Variants in MYO16 observed in about 807,000 individuals in gnomAD.
MYO16 encodes the protein unconventional myosin-XVI.
In MYO16, 94 loss-of-function variants were observed where a neutral mutation model predicts 205.3. The observed-to-expected ratio is 0.46, with a 90% CI of 0.39 to 0.54. MYO16 has a LOEUF of 0.54. MYO16 is among the 20% of genes least tolerant of loss of function. The pLI is 0.00. For synonymous variants in MYO16, 988 were observed against 954.0 expected (o/e 1.04, Z -0.66); for missense variants, 2,315 against 2,387.5 (o/e 0.97, Z 0.63).
At chr13:108,547,936 AGT>A in the MYO16 span, among the ~76,000 whole-genome samples, 1 of 152,194 alleles carries the variant, frequency 6.6e-6, no homozygotes, top group Non-Finnish European at 1.5e-5. Context: ...TCCAAAAGAC[AGT>A]GTGGTTTGTT....
chr13:108,610,735 C>T (rs546794900), intron 1 of MYO16, among the ~76,000 whole-genome samples: 4 of 152,072 alleles, frequency 2.6e-5, no homozygotes, highest in Non-Finnish European at 4.4e-5. Context: ...AGCAAATGGC[C>T]AAGAGCTATC....
rs149726 is a variant in MYO16 at position 108,739,542 on chromosome 13, C to T, written c.507+11959C>T. Among the ~76,000 whole-genome samples the T allele has an allele frequency of 8.9e-3, 1,349 of 152,226 alleles. 12 individuals are homozygous for T. The highest frequency in any genetic ancestry group is 0.03 in the African/African-American group (1,260 of 41,528). Reference sequence around the variant, plus strand: ...GATAGGCTTCCCTTTGTGAGTAACCCGACCTTTCTCTCTGGCTGCCCTTAA... The same window carrying T: ...GATAGGCTTCCCTTTGTGAGTAACCTGACCTTTCTCTCTGGCTGCCCTTAA... On this transcript the variant is annotated intron_variant, in intron 4 of 34. Transcript: ENST00000457511.
At chr13:108,976,813 T>A (rs1415519459) in intron 20 of MYO16, among the ~76,000 whole-genome samples, 1 of 152,116 alleles carries the variant, frequency 6.6e-6, no homozygotes, top group Non-Finnish European at 1.5e-5. Flanking sequence ...TTGGGAAAAA[T>A]TCAGTAGTCA....
chr13:108,728,124 A>G (rs2139585417), intron 4 of MYO16, among the ~76,000 whole-genome samples: 1 of 152,344 alleles, frequency 6.6e-6, no homozygotes, highest in East Asian at 1.9e-4. Flanking sequence ...AGTGATCTCT[A>G]GAAAGTATTT....
intron 28 of MYO16, among the ~76,000 whole-genome samples, chr13:109,106,074 G>A (rs1367307076): frequency 6.6e-6 from 1 of 152,180 alleles, no homozygotes; most frequent in African/African-American, 2.4e-5. Context: ...TTTGCAAAAA[G>A]GAATGGAAGT....
chr13:109,018,191 C>T (rs1410971461), intron 22 of MYO16, among the ~76,000 whole-genome samples: 1 of 152,192 alleles, frequency 6.6e-6, no homozygotes, highest in Non-Finnish European at 1.5e-5. Flanking sequence ...CAGTTACTCT[C>T]TGTTTGTTAG....
chr13:108,684,158 G>A (rs530445017), intron 2 of MYO16, among the ~76,000 whole-genome samples: 108 of 152,342 alleles, frequency 7.1e-4, no homozygotes, highest in African/African-American at 2.5e-3. Flanking sequence ...ACAGGCGTGA[G>A]CCACCGCGCC....
chr13:108,598,246 C>T (rs972157031), intron 1 of MYO16, among the ~76,000 whole-genome samples: 6 of 152,122 alleles, frequency 3.9e-5, no homozygotes, highest in East Asian at 1.9e-4. Context: ...GCCTTCAAGT[C>T]GCTGACACTC....
At chr13:109,200,119 C>T (rs1343916765) in intron 34 of MYO16, among the ~76,000 whole-genome samples, 1 of 152,266 alleles carries the variant, frequency 6.6e-6, no homozygotes, top group East Asian at 1.9e-4. Flanking sequence ...TCTTCTATTT[C>T]TTGGCTCACA....
chr13:108,606,177 T>G (rs759576597), intron 1 of MYO16, among the ~76,000 whole-genome samples: 1 of 152,168 alleles, frequency 6.6e-6, no homozygotes, highest in Non-Finnish European at 1.5e-5. Flanking sequence ...CCTAATGTTG[T>G]GATAGAAAAG....
chr13:108,971,906 A>G (rs1452884067), intron 20 of MYO16, among the ~76,000 whole-genome samples: 1 of 151,790 alleles, frequency 6.6e-6, no homozygotes. Flanking sequence ...GGCTGTAATG[A>G]TAATAGTGAT....
chr13:109,054,900 C>T, intron 25 of MYO16, 146 bp from the exon 26 acceptor site: 32 of 508,372 alleles, frequency 6.3e-5, no homozygotes, highest in South Asian at 2.7e-4. Context: ...TCCTTTCTTC[C>T]TCCTTCTTTT....
At chr13:108,781,034 C>T (rs1383087116) in intron 4 of MYO16, among the ~76,000 whole-genome samples, 2 of 152,204 alleles carry the variant, frequency 1.3e-5, no homozygotes, top group Non-Finnish European at 1.5e-5. Flanking sequence ...TCTAAGTGTA[C>T]ATCTCTTTCA....
chr13:108,559,529 AG>A, the MYO16 span, among the ~76,000 whole-genome samples: 4 of 126,554 alleles, frequency 3.2e-5, no homozygotes, highest in African/African-American at 1.2e-4. Context: ...GCTGGAGTGC[AG>A]TGGCGTGATC....
At position 108,702,142 on chromosome 13, in the gene MYO16, T is replaced by C. The variant is rs1055270448; in HGVS notation, c.293-10519T>C. Among the ~76,000 whole-genome samples, 7 of 152,114 alleles carry C rather than the reference T, an allele frequency of 4.6e-5. No individual in the cohort carries two copies. In the South Asian group the frequency reaches 1.0e-3, roughly 23 times the overall value. On this transcript the variant is annotated intron_variant, in intron 2 of 34. Coordinates refer to ENST00000457511, the MANE Select transcript of MYO16 (RefSeq NM_001198950.3). The stretch of plus-strand genomic sequence containing the variant: ...GACAAGGCAGAAAGAATATTGGAGG[T>C]ACTAATTGGTGAAAACTTGCTGAAT...
chr13:108,580,736 T>A, the MYO16 span, among the ~76,000 whole-genome samples: 1 of 152,208 alleles, frequency 6.6e-6, no homozygotes, highest in Non-Finnish European at 1.5e-5. Context: ...CTGGAGATGA[T>A]CCCAGTGGCT....
intron 1 of MYO16, among the ~76,000 whole-genome samples, chr13:108,642,513 G>A (rs908425178): frequency 6.6e-6 from 1 of 152,138 alleles, no homozygotes; most frequent in Non-Finnish European, 1.5e-5. Context: ...CGTGACCTTG[G>A]TTCAAGCGAT....
chr13:108,768,297 C>T (rs1885848720), intron 4 of MYO16, among the ~76,000 whole-genome samples: 1 of 152,124 alleles, frequency 6.6e-6, no homozygotes, highest in East Asian at 1.9e-4. Context: ...AGCCTACTGC[C>T]TTGATGAATG....
At chr13:109,157,597 G>C (rs1878132889) in intron 32 of MYO16, among the ~76,000 whole-genome samples, 1 of 152,152 alleles carries the variant, frequency 6.6e-6, no homozygotes, top group Non-Finnish European at 1.5e-5. Context: ...CAGCCCCCTG[G>C]CCCTTTGCAA....
Sources: gnomAD v4.1 joint callset for allele counts (sites outside exome capture counted in the v4.1 genomes callset) on GRCh38, gnomAD v4.1.1 for gene constraint, MANE v1.5 for transcripts, NCBI Gene and HGNC (gene_info 2026-07-23, HGNC 2026-07-21) for gene names.